Variants in NCOR2 observed in about 807,000 individuals in gnomAD.
NCOR2 encodes nuclear receptor corepressor 2, also known as CTG repeat protein 26.
Under a neutral mutation model 262.9 loss-of-function variants are expected in NCOR2, and 81 were observed. The ratio of observed to expected loss-of-function variants is 0.31; its 90% CI spans 0.26 to 0.37. The LOEUF is 0.37. Among genes scored for constraint, NCOR2 ranks in the 10% least tolerant of loss-of-function variants. NCOR2 has a pLI of 1.00. For missense variants in NCOR2, 3,385 were observed against 3,621.4 expected (o/e 0.93, Z 1.68); for synonymous variants, 1,659 against 1,559.3 (o/e 1.06, Z -1.51).
At chr12:124,385,583 G>C (rs1444752823) in intron 17 of NCOR2, among the ~76,000 whole-genome samples, 162 bp downstream of exon 19, 2 of 152,110 alleles carry the variant, frequency 1.3e-5, no homozygotes, top group Admixed American at 6.5e-5. Context: ...AGCCATCTCG[G>C]GGTACTCCCG....
At chr12:124,500,835 G>A (rs112685759) in intron 1 of NCOR2, among the ~76,000 whole-genome samples, 28 of 152,228 alleles carry the variant, frequency 1.8e-4, no homozygotes, top group Middle Eastern at 3.4e-3. Flanking sequence ...AGGGGCAGGC[G>A]GGGGCTGGTG....
At chr12:124,449,974 T>C in intron 6 of NCOR2, 107 bp from the exon 9 acceptor site, 5 of 1,166,200 alleles carry the variant, frequency 4.3e-6, no homozygotes, top group Non-Finnish European at 6.1e-6. Context: ...GTCCTCTGGG[T>C]GAGGGCTCAG....
intron 16 of NCOR2, among the ~76,000 whole-genome samples, chr12:124,394,844 A>T (rs2041546580): frequency 6.6e-6 from 1 of 152,210 alleles, no homozygotes; most frequent in African/African-American, 2.4e-5. Context: ...CAGGAAACAT[A>T]CAGTGGGCGC....
chr12:124,499,690 A>G (rs1297654116), upstream of NCOR2, among the ~76,000 whole-genome samples: 1 of 152,096 alleles, frequency 6.6e-6, no homozygotes, highest in Non-Finnish European at 1.5e-5. Flanking sequence ...CATTGAGTGA[A>G]TATGGGGGGA....
rs777926358 is a variant in NCOR2, at chr12:124,378,346, C to T, written c.2058G>A (p.Ala686=). 25 of 1,613,784 alleles carry T rather than the reference C, an allele frequency of 1.5e-5. No homozygotes were observed. The highest frequency in any genetic ancestry group is 3.3e-4 in the Middle Eastern group (2 of 6,058). ...CAGCCTCCTCGCTGGCCGCCGCCGG[C>T]GCTTTCTTCTTCTTCCTCCGCGCGT... The change falls in exon 18 of 47, where the codon GCG becomes GCA. Residue 686 remains alanine (A), a synonymous_variant. Transcript: ENST00000405201. This position sits in a 1 kb window ranked among gnomAD's most constrained non-coding sequence, Gnocchi z 4.2.
At chr12:124,534,594 AG>A (rs2051025381) in intron 1 of NCOR2, among the ~76,000 whole-genome samples, 1 of 152,254 alleles carries the variant, frequency 6.6e-6, no homozygotes, top group African/African-American at 2.4e-5. Flanking sequence ...GCCTGTCATG[AG>A]CCAGAACACG....
exon 38 of NCOR2, chr12:124,337,065 G>A: frequency 2.0e-6 from 3 of 1,487,608 alleles, no homozygotes; most frequent in Non-Finnish European, 2.7e-6. Context: ...TCCTTGGGCA[G>A]CAAGACGGGC....
chr12:124,540,474 G>A (rs1460446965), upstream of NCOR2, among the ~76,000 whole-genome samples: 3 of 26,582 alleles, frequency 1.1e-4, no homozygotes, highest in East Asian at 6.3e-4. Context: ...GAGAGCTGGA[G>A]GGGGATGGGG....
At chr12:124,350,812 G>A (rs911609979) in intron 27 of NCOR2, 75 bp from the exon 30 acceptor site, 25 of 1,496,290 alleles carry the variant, frequency 1.7e-5, no homozygotes, top group African/African-American at 2.8e-5. Flanking sequence ...AGGCAAAGAC[G>A]TGCTTAAAAG....
At chr12:124,476,349 C>G (rs2047097872) in intron 3 of NCOR2, among the ~76,000 whole-genome samples, 1 of 152,170 alleles carries the variant, frequency 6.6e-6, no homozygotes, top group Non-Finnish European at 1.5e-5. Flanking sequence ...AAGGTGGCAG[C>G]AAACATGGCA....
Position 124,515,649 on chromosome 12 carries a change from A to G in NCOR2, c.-118+19916T>C, listed in dbSNP as rs1046181766. 9.1e-5 allele frequency among the ~76,000 whole-genome samples: 6 copies of G among 66,012 alleles called. No individual in the cohort carries two copies. In the East Asian group the frequency reaches 3.3e-3, roughly 36 times the overall value. 43.3% of individuals were successfully genotyped at this position (66,012 alleles called of 152,430 possible). A position where few individuals can be genotyped will look rare whatever the true frequency, so the allele number is the denominator to read the frequency against. On this transcript the variant is annotated intron_variant, in intron 1 of 46. Transcript: ENST00000404621. ...TGTGTGCACGACTGTGAGTGTGCAT[A>G]TGAGTGTGAGTGTGCATGTGAGTGT... is the stretch of plus-strand genomic sequence containing the variant.
chr12:124,354,618 C>T (rs886730375), intron 25 of NCOR2, 36 bp from the exon 28 acceptor site: 7 of 1,484,642 alleles, frequency 4.7e-6, no homozygotes, highest in Middle Eastern at 1.8e-4. Context: ...CACGTGCTGC[C>T]GGAGCAGGGT....
chr12:124,361,598 G>C (rs1316278193), intron 22 of NCOR2, among the ~76,000 whole-genome samples: 1 of 152,236 alleles, frequency 6.6e-6, no homozygotes, highest in African/African-American at 2.4e-5. Context: ...CCAGAGACCT[G>C]GGCCTGGAGC....
Position 124,335,852 on chromosome 12 carries a change from GAGAC to G in NCOR2, c.6116-224_6116-221del, listed in dbSNP as rs149139090. 3,181 of 560,564 alleles carry G rather than the reference GAGAC, an allele frequency of 5.7e-3. 89 individuals are homozygous for G. The highest frequency in any genetic ancestry group is 0.054 in the African/African-American group (2,903 of 53,450). 34.7% of individuals were successfully genotyped at this position (560,564 alleles called of 1,614,324 possible). A position where few individuals can be genotyped will look rare whatever the true frequency, so the allele number is the denominator to read the frequency against. ...GGAGAGAGATGCAGAGCCCGGGACA[GAGAC>G]AGACAGAGAGGGAGACACAGAGAGA... is the stretch of plus-strand genomic sequence containing the variant. On this transcript the variant is annotated intron_variant, in intron 38 of 46. Coordinates refer to ENST00000405201, the Ensembl canonical transcript of NCOR2.
intron 1 of NCOR2, among the ~76,000 whole-genome samples, chr12:124,561,465 G>GTGGC (rs1371605259): frequency 2.6e-5 from 4 of 152,198 alleles, no homozygotes; most frequent in Non-Finnish European, 5.9e-5. Context: ...AATGCCCCAC[G>GTGGC]TGGCTGTTAG....
rs2136068637 is a variant in NCOR2, at chr12:124,378,098, C to T, written c.2167+139G>A. The T allele has an allele frequency of 1.3e-6, 2 of 1,491,510 alleles. No individual in the cohort carries two copies. The highest frequency in any genetic ancestry group is 2.3e-5 in the East Asian group (1 of 43,706). The allele number at this position is 1,491,510 out of a possible 1,614,324, so 92.4% of individuals were successfully genotyped here. A position where few individuals can be genotyped will look rare whatever the true frequency, so the allele number is the denominator to read the frequency against. On this transcript the variant is annotated intron_variant, in intron 18 of 46. Coordinates refer to ENST00000405201, the Ensembl canonical transcript of NCOR2. The surrounding 1 kb of genome is among the most constrained non-coding windows in gnomAD (Gnocchi z 4.2). ...TTCTGGCAAGTCAGGCCCGCACCTT[C>T]CAGGGAGTCGAGGCCCCTTCTAAGG...
At position 124,503,892 on chromosome 12, in the gene NCOR2, TCCTGCTAATATTCCCAGG is replaced by T. The variant is rs1215640650; in HGVS notation, c.-117-8542_-117-8525del. The stretch of plus-strand genomic sequence containing the variant: ...ATCCCCAGGGCCAAGCATGTCTTCA[TCCTGCTAATATTCCCAGG>T]CCCTCCCACATGCCCAGCTCCATGA... On this transcript the variant is annotated intron_variant, in intron 1 of 46. Transcript: ENST00000404621. This position sits in a 1 kb window ranked among gnomAD's most constrained non-coding sequence, Gnocchi z 4.3. Among the ~76,000 whole-genome samples, 2 of 152,184 alleles carry T rather than the reference TCCTGCTAATATTCCCAGG, an allele frequency of 1.3e-5. No individual in the cohort carries two copies. Among genetic ancestry groups the T allele is most frequent in the Non-Finnish European group, 1.5e-5 (1 of 68,036 alleles).
chr12:124,404,893 G>A (rs2042195249), intron 13 of NCOR2, among the ~76,000 whole-genome samples: 1 of 152,210 alleles, frequency 6.6e-6, no homozygotes, highest in South Asian at 2.1e-4. Context: ...CTCAGAAACA[G>A]GAGAGCAGTG....
chr12:124,422,619 T>C, intron 11 of NCOR2, 64 bp from the exon 14 acceptor site: 1 of 1,594,778 alleles, frequency 6.3e-7, no homozygotes, highest in South Asian at 1.1e-5. Context: ...GGGCAGCCGA[T>C]CGGCTCCCAG....
Sources: allele counts gnomAD v4.1 joint callset (sites outside exome capture counted in the v4.1 genomes callset), GRCh38; gene constraint gnomAD v4.1.1; non-coding constraint Gnocchi (gnomAD v3.1); transcripts MANE v1.5; gene names NCBI Gene and HGNC (gene_info 2026-07-23, HGNC 2026-07-21).